Variants in PGM5 observed in about 807,000 individuals in gnomAD.
PGM5 encodes the protein phosphoglucomutase-like protein 5.
In PGM5, 23 loss-of-function variants were observed where a neutral mutation model predicts 59.2. The ratio of observed to expected loss-of-function variants is 0.39; its 90% CI spans 0.28 to 0.55. PGM5 has a LOEUF of 0.55. PGM5 is among the 20% of genes least tolerant of loss of function. The pLI is 0.66. For missense variants in PGM5, 574 were observed against 748.3 expected, an observed-to-expected ratio of 0.77 and a Z score of 2.72; for synonymous variants, 214 against 286.0, an observed-to-expected ratio of 0.75 and a Z score of 2.54.
At chr9:68,372,232 G>T (rs1208872314) in intron 1 of PGM5, among the ~76,000 whole-genome samples, 2 of 151,042 alleles carry the variant, frequency 1.3e-5, no homozygotes, top group African/African-American at 4.9e-5. Context: ...CAAAATCAAG[G>T]TATCGGCATG....
At chr9:68,512,098 G>A (rs936270478) in intron 10 of PGM5, among the ~76,000 whole-genome samples, 29 of 152,184 alleles carry the variant, frequency 1.9e-4, no homozygotes, top group African/African-American at 6.5e-4. Context: ...GTAGTGAGTA[G>A]GGGTTGTTCA....
At chr9:68,520,439 A>G (rs544807027) in intron 10 of PGM5, among the ~76,000 whole-genome samples, 1 of 152,326 alleles carries the variant, frequency 6.6e-6, no homozygotes, top group African/African-American at 2.4e-5. Context: ...GAATAAGTAT[A>G]CAATTAGTAA....
intron 7 of PGM5, 126 bp from the exon 8 acceptor site, chr9:68,479,292 T>C (rs4237244): frequency 0.066 from 51,000 of 778,438 alleles, 4,890 homozygotes; most frequent in East Asian, 0.41. Flanking sequence ...ATATATTTAA[T>C]ATAATGGGTA....
intron 6 of PGM5, among the ~76,000 whole-genome samples, chr9:68,464,170 A>C (rs966078774): frequency 1.1e-4 from 17 of 152,366 alleles, no homozygotes; most frequent in African/African-American, 3.8e-4. Flanking sequence ...TTCTATGATC[A>C]TACTTGTAAA....
In PGM5 at chr9:68,509,984, A is replaced by C. The variant is rs553694899; in HGVS notation, c.1614+10623A>C. On this transcript the variant is annotated intron_variant, in intron 10 of 10. Transcript: ENST00000396396. The stretch of plus-strand genomic sequence containing the variant: ...CCAGGCCCCAAGATGTCAAAGCATT[A>C]GAATAAAAACACCAGCTTAACAGCC... Among the ~76,000 whole-genome samples, 119 of 152,246 alleles carry C rather than the reference A, an allele frequency of 7.8e-4. 1 individual carries two copies. The highest frequency in any genetic ancestry group is 6.9e-3 in the South Asian group (33 of 4,814).
At chr9:68,408,510 C>T (rs1822862710) in intron 6 of PGM5, among the ~76,000 whole-genome samples, 1 of 152,088 alleles carries the variant, frequency 6.6e-6, no homozygotes, top group African/African-American at 2.4e-5. Flanking sequence ...AAAATTTTCT[C>T]CCATTTTGTA....
chr9:68,367,301 C>G (rs1167739852), intron 1 of PGM5, among the ~76,000 whole-genome samples: 1 of 151,654 alleles, frequency 6.6e-6, no homozygotes, highest in Non-Finnish European at 1.5e-5. Flanking sequence ...AGAGCAAACC[C>G]TCTCCCCTTC....
intron 6 of PGM5, among the ~76,000 whole-genome samples, chr9:68,433,693 G>T (rs1224227427): frequency 6.6e-6 from 1 of 152,202 alleles, no homozygotes; most frequent in Admixed American, 6.5e-5. Context: ...CCGATGAACA[G>T]ATTTGGTTTT....
At chr9:68,426,607 T>C (rs1722643980) in intron 6 of PGM5, among the ~76,000 whole-genome samples, 1 of 150,618 alleles carries the variant, frequency 6.6e-6, no homozygotes, top group South Asian at 2.1e-4. Context: ...TCTTTCTCTC[T>C]TTATTATTTT....
intron 1 of PGM5, among the ~76,000 whole-genome samples, chr9:68,364,267 T>A (rs1270172418): frequency 3.3e-5 from 5 of 152,034 alleles, no homozygotes; most frequent in Non-Finnish European, 7.4e-5. Context: ...TGTATTTGAT[T>A]CCAGTTGGCC....
At chr9:68,526,850 T>G (rs1214891902) in intron 10 of PGM5, among the ~76,000 whole-genome samples, 1 of 152,262 alleles carries the variant, frequency 6.6e-6, no homozygotes, top group Non-Finnish European at 1.5e-5. Context: ...AAAAAAAGTC[T>G]TCTTATTTGC....
intron 6 of PGM5, chr9:68,428,552 C>A (rs1457552223): frequency 3.9e-5 from 6 of 152,144 alleles, no homozygotes; most frequent in African/African-American, 1.4e-4. Context: ...GCCTGTTTCC[C>A]CTGAGCCAAG....
chr9:68,506,551 G>A (rs1471050789), intron 10 of PGM5, among the ~76,000 whole-genome samples: 3 of 152,154 alleles, frequency 2.0e-5, no homozygotes. Context: ...CCAGTTTTCT[G>A]TACTAATTTT....
At position 68,390,135 on chromosome 9, in the gene PGM5, C is replaced by T. The variant is rs1408877512; in HGVS notation, c.698-1399C>T. ...TGAGGCACTAAAAATCTGCTGGGAG[C>T]TCTGAGCCTGCTATGGGTCTTCTCC... On this transcript the variant is annotated intron_variant, in intron 4 of 10. Transcript: ENST00000396396. 2.6e-5 allele frequency among the ~76,000 whole-genome samples: 4 copies of T among 152,062 alleles called. No homozygotes were observed. The South Asian group carries it at 8.3e-4, about 32-fold the overall frequency.
At chr9:68,377,111 G>A (rs1259385517) in intron 1 of PGM5, among the ~76,000 whole-genome samples, 1 of 151,974 alleles carries the variant, frequency 6.6e-6, no homozygotes, top group African/African-American at 2.4e-5. Context: ...ATTTTTAGTA[G>A]AAATAGGGTT....
At chr9:68,390,526 G>A (rs1554679348) in intron 4 of PGM5, among the ~76,000 whole-genome samples, 1 of 152,132 alleles carries the variant, frequency 6.6e-6, no homozygotes, top group South Asian at 2.1e-4. Context: ...TGTATCCAGA[G>A]GAAGAGGAAA....
At chr9:68,357,552 G>T (rs1351134635) in intron 1 of PGM5, among the ~76,000 whole-genome samples, 164 bp downstream of exon 1, 310 of 152,272 alleles carry the variant, frequency 2.0e-3, no homozygotes, top group African/African-American at 7.1e-3. Flanking sequence ...CTCCCGCCGC[G>T]CTCGCAGCCT....
At chr9:68,399,928 A>G (rs1822623133) in intron 6 of PGM5, among the ~76,000 whole-genome samples, 1 of 152,082 alleles carries the variant, frequency 6.6e-6, no homozygotes, top group African/African-American at 2.4e-5. Context: ...TAAATAATAA[A>G]CCTTGGAATA....
intron 1 of PGM5, among the ~76,000 whole-genome samples, chr9:68,374,458 C>T (rs1554677385): frequency 6.9e-6 from 1 of 145,792 alleles, no homozygotes; most frequent in Non-Finnish European, 1.5e-5. Context: ...CACCACTATC[C>T]ATTAAGTTAT....
Sources: gnomAD v4.1 joint callset for allele counts (sites outside exome capture counted in the v4.1 genomes callset) on GRCh38, gnomAD v4.1.1 for gene constraint, MANE v1.5 for transcripts, NCBI Gene and HGNC (gene_info 2026-07-23, HGNC 2026-07-21) for gene names.